GMNN: variants seen among roughly 807,000 people sequenced by gnomAD.
GMNN encodes geminin DNA replication inhibitor.
A neutral mutation model predicts 20.9 loss-of-function variants in GMNN; 14 were observed. The observed-to-expected ratio is 0.67, with a 90% confidence interval of 0.44 to 1.05. The LOEUF is 1.05. Ranked by LOEUF, GMNN falls within the 50% of genes least tolerant of loss-of-function variation. GMNN has a pLI of 0.00. For missense variants in GMNN, 227 were observed against 243.8 expected, an observed-to-expected ratio of 0.93 and a Z score of 0.46; for synonymous variants, 81 against 85.8, an observed-to-expected ratio of 0.94 and a Z score of 0.31.
intron 2 of GMNN, among the ~76,000 whole-genome samples, chr6:24,779,854 G>A (rs1780158221): frequency 6.6e-6 from 1 of 152,212 alleles, no homozygotes; most frequent in Admixed American, 6.5e-5. Context: ...GCATTTTAGA[G>A]TATTTTAGTA....
Position 24,785,926 on chromosome 6 carries a change from C to T in GMNN, c.*127C>T, listed in dbSNP as rs751684641. 1 of 628,710 alleles carries T rather than the reference C, an allele frequency of 1.6e-6. No homozygotes were observed. 38.9% of individuals were successfully genotyped at this position (628,710 alleles called of 1,614,324 possible). A position where few individuals can be genotyped will look rare whatever the true frequency, so the allele number is the denominator to read the frequency against. The stretch of plus-strand genomic sequence containing the variant: ...AAATTTCCTTGTTTGAATCCTGGGA[C>T]CCTATTGCATTAAAGTACAAATACT... On this transcript the variant is annotated 3_prime_UTR_variant, in exon 7 of 7. Transcript: ENST00000230056.
Position 24,780,071 on chromosome 6 carries a change from CTT to C in GMNN, c.52-588_52-587del, listed in dbSNP as rs548840844. On this transcript the variant is annotated intron_variant, in intron 2 of 6. Transcript: ENST00000230056. The stretch of plus-strand genomic sequence containing the variant: ...TGATTTAAGGAGGCCTGAAATGAAT[CTT>C]TTTGATTAGGGAAAGAAATATTTTG... Among the ~76,000 whole-genome samples, 70 of 152,216 alleles carry C rather than the reference CTT, an allele frequency of 4.6e-4. 1 individual carries two copies. In the South Asian group the frequency reaches 0.014, roughly 30 times the overall value.
chr6:24,782,012 T>C (rs1282067031), intron 4 of GMNN, among the ~76,000 whole-genome samples: 2 of 151,880 alleles, frequency 1.3e-5, no homozygotes, highest in Non-Finnish European at 2.9e-5. Context: ...GCCTAGGAGT[T>C]TGTGGCCGCA....
chr6:24,781,403 C>T (rs1420268962), intron 3 of GMNN, 74 bp from the exon 4 acceptor site: 17 of 962,474 alleles, frequency 1.8e-5, no homozygotes, highest in Middle Eastern at 4.4e-4. Context: ...TTTTTTAATA[C>T]ATAAATGAAA....
Position 24,777,226 on chromosome 6 carries a change from C to T in GMNN, c.-21C>T. Reference sequence around the variant, plus strand: ...ATATTGTTTTTTAATTACTAGTCTTCTGTGCTTCACCATCTACATAATGAA... The same window carrying T: ...ATATTGTTTTTTAATTACTAGTCTTTTGTGCTTCACCATCTACATAATGAA... On this transcript the variant is annotated 5_prime_UTR_variant, in exon 2 of 7. Transcript: ENST00000230056. 1 of 1,259,906 alleles carries T rather than the reference C, an allele frequency of 7.9e-7. No individual in the cohort carries two copies. The highest frequency in any genetic ancestry group is 1.4e-5 in the South Asian group (1 of 69,432). The allele number at this position is 1,259,906 out of a possible 1,614,324, so 78.0% of individuals were successfully genotyped here. A position where few individuals can be genotyped will look rare whatever the true frequency, so the allele number is the denominator to read the frequency against.
chr6:24,775,372 T>A (rs1417848853), intron 1 of GMNN, 128 bp downstream of exon 1: 2 of 152,278 alleles, frequency 1.3e-5, no homozygotes, highest in Non-Finnish European at 2.9e-5. Context: ...ATTGGCTGGC[T>A]GGCGCAGTTC....
chr6:24,784,192 AC>A, intron 5 of GMNN, 23 bp downstream of exon 5: 1 of 1,188,678 alleles, frequency 8.4e-7, no homozygotes. Context: ...TATAATTTGT[AC>A]CATTTTTAAA....
intron 4 of GMNN, among the ~76,000 whole-genome samples, chr6:24,782,503 C>A (rs920666143): frequency 6.6e-6 from 1 of 152,086 alleles, no homozygotes; most frequent in African/African-American, 2.4e-5. Flanking sequence ...AACATTTGGA[C>A]TCATTTTGAA....
rs773910790 is a variant in GMNN at position 24,780,769 on chromosome 6, C to T, written c.129+29C>T. Reference sequence around the variant, plus strand: ...TGCACTATATGGCTAAAATGGGGTACTGGTGATACAGTGTCTACATCGAAA... The same window carrying T: ...TGCACTATATGGCTAAAATGGGGTATTGGTGATACAGTGTCTACATCGAAA... On this transcript the variant is annotated intron_variant, in intron 3 of 6. Transcript: ENST00000230056. 1.1e-5 allele frequency: 11 copies of T among 1,035,014 alleles called. No individual in the cohort carries two copies. In the South Asian group the frequency reaches 1.1e-4, roughly 11 times the overall value. 64.1% of individuals were successfully genotyped at this position (1,035,014 alleles called of 1,614,324 possible). A position where few individuals can be genotyped will look rare whatever the true frequency, so the allele number is the denominator to read the frequency against.
In GMNN at chr6:24,777,222, T is replaced by A; in HGVS notation, c.-25T>A. On this transcript the variant is annotated splice_region_variant and 5_prime_UTR_variant, in exon 2 of 7. Transcript: ENST00000230056. Reference sequence around the variant, plus strand: ...AACCATATTGTTTTTTAATTACTAGTCTTCTGTGCTTCACCATCTACATAA... The same window carrying A: ...AACCATATTGTTTTTTAATTACTAGACTTCTGTGCTTCACCATCTACATAA... 1 of 1,193,854 alleles carries A rather than the reference T, an allele frequency of 8.4e-7. No homozygotes were observed. Among genetic ancestry groups the A allele is most frequent in the Non-Finnish European group, 1.2e-6 (1 of 847,176 alleles). The allele number at this position is 1,193,854 out of a possible 1,614,324, so 74.0% of individuals were successfully genotyped here.
At chr6:24,778,315 G>A (rs9467309) in intron 2 of GMNN, among the ~76,000 whole-genome samples, 10,918 of 152,066 alleles carry the variant, frequency 0.072, 1,149 homozygotes, top group African/African-American at 0.22. Context: ...GAACAGCCTG[G>A]GCAACAAAGG....
chr6:24,777,641 T>C (rs1264445973), intron 2 of GMNN: 1 of 159,166 alleles, frequency 6.3e-6, no homozygotes, highest in Non-Finnish European at 1.4e-5. Flanking sequence ...TGGTCATTGC[T>C]ACTGTATAGG....
Position 24,784,521 on chromosome 6 carries a change from A to T in GMNN, c.435A>T (p.Ala145=). The T allele has an allele frequency of 6.5e-7, 1 of 1,547,046 alleles. No individual in the cohort carries two copies. Among genetic ancestry groups the T allele is most frequent in the Non-Finnish European group, 8.9e-7 (1 of 1,119,088 alleles). Residue 145 remains alanine (A), a synonymous_variant, in exon 6 of 7, where the codon GCA becomes GCT. Transcript: ENST00000230056. The part of the protein sequence containing the change: ...KKENKELAEV[A]EHVQYMAELI... Reference sequence around the variant, plus strand: ...AGAATAAAGAACTGGCAGAAGTAGCAGAACATGTACAGTATATGGCAGAGC... The same window carrying T: ...AGAATAAAGAACTGGCAGAAGTAGCTGAACATGTACAGTATATGGCAGAGC...
chr6:24,777,448 AC>A (rs1780103312), intron 2 of GMNN, 151 bp downstream of exon 2: 1 of 412,848 alleles, frequency 2.4e-6, no homozygotes, highest in Admixed American at 4.5e-5. Context: ...TTTTTAAAAA[AC>A]TAATTACGGT....
At chr6:24,785,572 ATC>A (rs1172755712) in intron 6 of GMNN, 64 bp from the exon 7 acceptor site, 10 of 753,672 alleles carry the variant, frequency 1.3e-5, no homozygotes, top group Non-Finnish European at 2.2e-5. Context: ...GGTCAGCTAT[ATC>A]AGTATGCTGA....
intron 4 of GMNN, among the ~76,000 whole-genome samples, chr6:24,781,863 G>A (rs1447406530): frequency 1.3e-5 from 2 of 152,166 alleles, no homozygotes; most frequent in South Asian, 4.1e-4. Context: ...TGAAGCAGGA[G>A]GATGGCTTGA....
intron 1 of GMNN, among the ~76,000 whole-genome samples, chr6:24,776,562 A>G (rs967501113): frequency 2.6e-5 from 4 of 152,232 alleles, no homozygotes; most frequent in South Asian, 2.1e-4. Flanking sequence ...AGGGACATCT[A>G]TCGACGAGGC....
intron 2 of GMNN, among the ~76,000 whole-genome samples, chr6:24,778,473 G>C (rs974974726): frequency 1.3e-5 from 2 of 152,104 alleles, no homozygotes. Flanking sequence ...CTGCACTCCA[G>C]CCTGGGTGAC....
intron 1 of GMNN, among the ~76,000 whole-genome samples, chr6:24,776,662 G>A (rs1780079236): frequency 6.6e-6 from 1 of 152,146 alleles, no homozygotes; most frequent in Non-Finnish European, 1.5e-5. Flanking sequence ...TTGGCCCAGT[G>A]GTCTAGTCAA....
Sources: gnomAD v4.1 joint callset for allele counts (sites outside exome capture counted in the v4.1 genomes callset) on GRCh38, gnomAD v4.1.1 for gene constraint, MANE v1.5 for transcripts, NCBI Gene and HGNC (gene_info 2026-07-23, HGNC 2026-07-21) for gene names.